AGMO: variants seen among roughly 807,000 people sequenced by gnomAD.
AGMO encodes glyceryl-ether monooxygenase.
Under a neutral mutation model 60.2 loss-of-function variants are expected in AGMO, and 75 were observed. The observed-to-expected ratio is 1.25, with a 90% CI of 1.03 to 1.51. The LOEUF is 1.51. Ranked by LOEUF, AGMO falls within the 40% of genes most tolerant of loss-of-function variation. The pLI is 0.00. For synonymous variants in AGMO, 261 were observed against 177.1 expected (o/e 1.47, Z -3.76); for missense variants, 763 against 525.5 (o/e 1.45, Z -4.42).
chr7:15,559,380 T>C (rs1191382315), intron 2 of AGMO, among the ~76,000 whole-genome samples: 2 of 151,974 alleles, frequency 1.3e-5, no homozygotes, highest in Admixed American at 6.6e-5. Flanking sequence ...GACTGTAGTG[T>C]AGGAATGCAG....
chr7:15,452,622 A>G (rs1330567957), intron 3 of AGMO, among the ~76,000 whole-genome samples: 1 of 152,204 alleles, frequency 6.6e-6, no homozygotes, highest in African/African-American at 2.4e-5. Context: ...AGAACACTGA[A>G]ACATTGCCGG....
chr7:15,542,234 G>A (rs1308004985), intron 3 of AGMO, among the ~76,000 whole-genome samples: 1 of 152,124 alleles, frequency 6.6e-6, no homozygotes, highest in African/African-American at 2.4e-5. Flanking sequence ...TCCATTACAA[G>A]TCAAAAGTCT....
intron 3 of AGMO, among the ~76,000 whole-genome samples, chr7:15,436,847 G>A (rs1781417121): frequency 6.6e-6 from 1 of 151,882 alleles, no homozygotes; most frequent in Admixed American, 6.6e-5. Flanking sequence ...TATGTAAAAG[G>A]GATTAAAGAG....
chr7:15,505,443 G>C (rs1783487874), intron 3 of AGMO, among the ~76,000 whole-genome samples: 3 of 151,862 alleles, frequency 2.0e-5, no homozygotes, highest in Non-Finnish European at 4.4e-5. Flanking sequence ...GCGTACTCAG[G>C]CATACAACTA....
intron 5 of AGMO, among the ~76,000 whole-genome samples, chr7:15,399,048 T>G (rs1285038147): frequency 6.6e-6 from 1 of 152,194 alleles, no homozygotes; most frequent in Non-Finnish European, 1.5e-5. Context: ...GCCAGGTATT[T>G]ATAAAGATCC....
chr7:15,427,996 A>ATTTCAATGTGAAATGAGCTTAATTTCACG (rs1781118235), intron 4 of AGMO, among the ~76,000 whole-genome samples: 2 of 152,228 alleles, frequency 1.3e-5, no homozygotes, highest in Non-Finnish European at 2.9e-5. Flanking sequence ...TTAATTTCAC[A>ATTTCAATGTGAAATGAGCTTAATTTCACG]TTTCAATGTG....
chr7:15,350,020 T>C (rs925269746), intron 12 of AGMO, among the ~76,000 whole-genome samples: 9 of 152,140 alleles, frequency 5.9e-5, no homozygotes, highest in Admixed American at 2.0e-4. Context: ...ATATCCCACA[T>C]CCAATATGGA....
At chr7:15,349,442 C>T (rs4551230) in intron 12 of AGMO, among the ~76,000 whole-genome samples, 2 of 151,822 alleles carry the variant, frequency 1.3e-5, no homozygotes, top group Non-Finnish European at 2.9e-5. Flanking sequence ...TGATTACATG[C>T]AGACACAGTT....
intron 12 of AGMO, among the ~76,000 whole-genome samples, chr7:15,224,458 T>C (rs951775167): frequency 2.0e-5 from 3 of 151,842 alleles, no homozygotes; most frequent in Non-Finnish European, 4.4e-5. Context: ...TCTCTCTCTC[T>C]CCTCTCATCA....
the AGMO span, among the ~76,000 whole-genome samples, chr7:15,118,167 A>AC: frequency 0.035 from 2,069 of 58,562 alleles, 29 homozygotes; most frequent in Non-Finnish European, 0.061. Context: ...AAAACCACTA[A>AC]AGAGAAACAC....
intron 3 of AGMO, among the ~76,000 whole-genome samples, chr7:15,482,094 C>G (rs1158596782): frequency 6.6e-6 from 1 of 150,860 alleles, no homozygotes; most frequent in Non-Finnish European, 1.5e-5. Flanking sequence ...TCAATGCTAT[C>G]CATATCCACA....
chr7:15,289,877 C>G (rs1330682384), intron 12 of AGMO, among the ~76,000 whole-genome samples: 5 of 138,618 alleles, frequency 3.6e-5, no homozygotes, highest in African/African-American at 1.1e-4. Context: ...AATTCTTTGT[C>G]TTAATTTTTC....
At chr7:15,547,849 C>T (rs1274115206) in intron 2 of AGMO, among the ~76,000 whole-genome samples, 1 of 152,062 alleles carries the variant, frequency 6.6e-6, no homozygotes, top group Non-Finnish European at 1.5e-5. Flanking sequence ...CTGTAGGCTC[C>T]ACCTCTGGGG....
chr7:15,332,052 C>T (rs1450762890), intron 12 of AGMO, among the ~76,000 whole-genome samples: 1 of 151,944 alleles, frequency 6.6e-6, no homozygotes, highest in East Asian at 1.9e-4. Context: ...AAAATGGAGA[C>T]GAGTGAAATC....
intron 3 of AGMO, among the ~76,000 whole-genome samples, chr7:15,524,014 A>G (rs1784063535): frequency 6.6e-6 from 1 of 152,132 alleles, no homozygotes; most frequent in Admixed American, 6.6e-5. Context: ...GTAAATACAA[A>G]CAATTGAAGC....
intron 2 of AGMO, among the ~76,000 whole-genome samples, chr7:15,555,292 TACACACACACACACAC>T (rs58173194): frequency 1.9e-4 from 18 of 95,848 alleles, no homozygotes; most frequent in African/African-American, 4.8e-4. Context: ...TATATATATA[TACACACACACACACAC>T]ACACACACAC....
intron 5 of AGMO, among the ~76,000 whole-genome samples, chr7:15,402,095 T>C (rs2128489918): frequency 6.6e-6 from 1 of 152,190 alleles, no homozygotes; most frequent in Admixed American, 6.6e-5. Flanking sequence ...TCATGTTAGA[T>C]TCAGCTGAGA....
chr7:15,207,624 T>G (rs2115472567), intron 12 of AGMO, among the ~76,000 whole-genome samples: 1 of 152,336 alleles, frequency 6.6e-6, no homozygotes, highest in African/African-American at 2.4e-5. Flanking sequence ...AAAGGTCAGG[T>G]ACATAGACAC....
intron 12 of AGMO, among the ~76,000 whole-genome samples, chr7:15,338,093 T>G (rs1781720944): frequency 6.6e-6 from 1 of 152,222 alleles, no homozygotes; most frequent in African/African-American, 2.4e-5. Flanking sequence ...ATGTAATTAA[T>G]TTTTAGCATC....
Sources: gnomAD v4.1 joint callset for allele counts (sites outside exome capture counted in the v4.1 genomes callset) on GRCh38, gnomAD v4.1.1 for gene constraint, MANE v1.5 for transcripts, NCBI Gene and HGNC (gene_info 2026-07-23, HGNC 2026-07-21) for gene names.